Variants in COL8A1 observed in about 807,000 individuals in gnomAD.
The protein encoded by COL8A1 is collagen alpha-1(VIII) chain.
Under a neutral mutation model 42.7 loss-of-function variants are expected in COL8A1, and 21 were observed. The ratio of observed to expected loss-of-function variants is 0.49; its 90% CI spans 0.35 to 0.71. COL8A1 has a LOEUF of 0.71. Ranked by LOEUF, COL8A1 falls within the 30% of genes least tolerant of loss-of-function variation. The pLI is 0.01. For synonymous variants in COL8A1, 367 were observed against 369.1 expected, an observed-to-expected ratio of 0.99 and a Z score of 0.06; for missense variants, 788 against 962.4, an observed-to-expected ratio of 0.82 and a Z score of 2.40.
At chr3:99,754,180 A>G (rs1941209380) in intron 2 of COL8A1, among the ~76,000 whole-genome samples, 1 of 152,216 alleles carries the variant, frequency 6.6e-6, no homozygotes, top group South Asian at 2.1e-4. Flanking sequence ...ATGCAACAAA[A>G]TGAGCACCAA....
rs951664745 is a variant in COL8A1, at chr3:99,794,967, C to A, written c.1066C>A (p.Pro356Thr). The A allele has an allele frequency of 1.9e-6, 3 of 1,600,394 alleles. No homozygotes were observed. The Admixed American group carries it at 5.2e-5, about 28-fold the overall frequency. Residue 356 changes from proline (P) to threonine (T), a missense_variant, in exon 4 of 4, where the codon CCA becomes ACA. Pro to Thr is a conservative substitution (Grantham distance 38). Transcript: ENST00000652472. This position sits in a 1 kb window ranked among gnomAD's most constrained non-coding sequence, Gnocchi z 4.3. The stretch of plus-strand genomic sequence containing the variant: ...TCCAGGGATTGGGAAACCAGGCTTC[C>A]CAGGACCCAAAGGTGACCGGGGCAT... ...GLPGIGKPGF[P>T]GPKGDRGMGG... is the part of the protein sequence containing the mutation.
At chr3:99,642,975 T>TA (rs1015052285) in intron 1 of COL8A1, among the ~76,000 whole-genome samples, 1 of 152,170 alleles carries the variant, frequency 6.6e-6, no homozygotes. Flanking sequence ...TCTTGGAAAT[T>TA]AAAAAAACTT....
chr3:99,775,486 A>C (rs1172055153), intron 2 of COL8A1, among the ~76,000 whole-genome samples: 8 of 152,114 alleles, frequency 5.3e-5, no homozygotes, highest in Non-Finnish European at 8.8e-5. Context: ...GCTTTGGTGG[A>C]GGTCAGTTCC....
At position 99,794,297 on chromosome 3, in the gene COL8A1, T is replaced by G; in HGVS notation, c.396T>G (p.Pro132=). The G allele has an allele frequency of 6.2e-7, 1 of 1,613,332 alleles. No individual in the cohort carries two copies. The highest frequency in any genetic ancestry group is 8.5e-7 in the Non-Finnish European group (1 of 1,179,678). ...PRGEPGPRGP[P]GPPGLPGHGI... ...GAGAGCCTGGCCCAAGAGGACCACCTGGGCCCCCTGGTTTGCCAGGTCATG... is the reference window on the plus strand; with the variant it reads ...GAGAGCCTGGCCCAAGAGGACCACCGGGGCCCCCTGGTTTGCCAGGTCATG... The change falls in exon 4 of 4, where the codon CCT becomes CCG. Residue 132 remains proline (P), a synonymous_variant. Transcript: ENST00000652472. The surrounding 1 kb of genome is among the most constrained non-coding windows in gnomAD (Gnocchi z 4.3).
intron 1 of COL8A1, among the ~76,000 whole-genome samples, chr3:99,654,836 G>A (rs189012031): frequency 1.1e-3 from 160 of 151,910 alleles, no homozygotes; most frequent in African/African-American, 3.7e-3. Context: ...AAGCTATAGT[G>A]GAAGATATTT....
chr3:99,724,938 T>C (rs898480889), intron 1 of COL8A1, among the ~76,000 whole-genome samples: 3 of 152,102 alleles, frequency 2.0e-5, no homozygotes, highest in Non-Finnish European at 2.9e-5. Flanking sequence ...GTGTGTGTAA[T>C]AGTCAATTTA....
At chr3:99,662,105 A>T (rs116071247) in intron 1 of COL8A1, among the ~76,000 whole-genome samples, 5,211 of 152,288 alleles carry the variant, frequency 0.034, 142 homozygotes, top group East Asian at 0.063. Flanking sequence ...TGGGCCGAGC[A>T]CGGTGGCACG....
At chr3:99,688,001 G>T (rs561760186) in intron 1 of COL8A1, among the ~76,000 whole-genome samples, 2 of 152,088 alleles carry the variant, frequency 1.3e-5, no homozygotes, top group Admixed American at 1.3e-4. Flanking sequence ...CACTTCACCC[G>T]TATGATCATC....
chr3:99,795,110 T>C lies in COL8A1; in HGVS notation c.1209T>C (p.Pro403=), dbSNP rs1282248581. ...GLPGIPGPMG[P]PGAIGFPGPK... ...CTGGAATCCCAGGTCCTATGGGCCC[T>C]CCAGGTGCTATTGGTTTTCCTGGAC... The change falls in exon 4 of 4, where the codon CCT becomes CCC. Residue 403 remains proline, a synonymous_variant. Coordinates refer to ENST00000652472, the MANE Select transcript of COL8A1 (RefSeq NM_020351.4). The C allele has an allele frequency of 6.2e-7, 1 of 1,613,320 alleles. No individual in the cohort carries two copies. The highest frequency in any genetic ancestry group is 8.5e-7 in the Non-Finnish European group (1 of 1,179,738).
At chr3:99,662,867 A>C (rs984953096) in intron 1 of COL8A1, among the ~76,000 whole-genome samples, 1 of 152,058 alleles carries the variant, frequency 6.6e-6, no homozygotes, top group Non-Finnish European at 1.5e-5. Flanking sequence ...TCTGTCCCCA[A>C]ATTTCCCCTT....
At chr3:99,677,351 G>T (rs1938731003) in intron 1 of COL8A1, among the ~76,000 whole-genome samples, 7 of 151,960 alleles carry the variant, frequency 4.6e-5, no homozygotes. Context: ...TTAGCTTCTA[G>T]ATTTCTCAAA....
At chr3:99,750,059 T>C (rs1171236331) in intron 2 of COL8A1, among the ~76,000 whole-genome samples, 1 of 136,324 alleles carries the variant, frequency 7.3e-6, no homozygotes, top group Non-Finnish European at 1.6e-5. Context: ...CTTTTTTTTT[T>C]TTTTTTTTTT....
At chr3:99,661,684 G>A (rs966097838) in intron 1 of COL8A1, among the ~76,000 whole-genome samples, 2 of 152,168 alleles carry the variant, frequency 1.3e-5, no homozygotes, top group African/African-American at 2.4e-5. Context: ...GTTCATGGCA[G>A]GATTATTCAC....
chr3:99,770,680 A>G lies in COL8A1; in HGVS notation c.-3-20000A>G, dbSNP rs548233435. Among the ~76,000 whole-genome samples, 8 of 152,308 alleles carry G rather than the reference A, an allele frequency of 5.3e-5. 1 individual carries two copies. The South Asian group carries it at 1.7e-3, about 32-fold the overall frequency. On this transcript the variant is annotated intron_variant, in intron 2 of 3. Coordinates refer to ENST00000652472, the MANE Select transcript of COL8A1 (RefSeq NM_020351.4). Reference sequence around the variant, plus strand: ...CAAGACACAGAATCATACTCAAAGGACAGTGATTAACATCCATGGTGTCAT... The same window carrying G: ...CAAGACACAGAATCATACTCAAAGGGCAGTGATTAACATCCATGGTGTCAT...
At chr3:99,655,432 G>A (rs1012670100) in intron 1 of COL8A1, among the ~76,000 whole-genome samples, 1 of 152,128 alleles carries the variant, frequency 6.6e-6, no homozygotes, top group African/African-American at 2.4e-5. Context: ...TGCCATCAAG[G>A]TACTATACAA....
intron 1 of COL8A1, among the ~76,000 whole-genome samples, chr3:99,694,921 C>A (rs1427995906): frequency 6.6e-6 from 1 of 152,126 alleles, no homozygotes; most frequent in African/African-American, 2.4e-5. Context: ...GTAAAAGCTG[C>A]AGTAAACTCT....
At chr3:99,652,587 C>A (rs1328176292) in intron 1 of COL8A1, among the ~76,000 whole-genome samples, 2 of 152,124 alleles carry the variant, frequency 1.3e-5, no homozygotes, top group Non-Finnish European at 2.9e-5. Flanking sequence ...TTTGGAGCAT[C>A]CTGGTAGCAG....
rs191484522 is a variant in COL8A1, at chr3:99,754,026, C to T, written c.-4+9005C>T. ...AACATAGTTGCTGAAACAATTAGTA[C>T]TTGTAAACTGTTGTCAGTTACAGAT... On this transcript the variant is annotated intron_variant, in intron 2 of 3. Coordinates refer to ENST00000652472, the MANE Select transcript of COL8A1 (RefSeq NM_020351.4). 2.6e-5 allele frequency among the ~76,000 whole-genome samples: 4 copies of T among 152,312 alleles called. No individual in the cohort carries two copies. The East Asian group carries it at 7.7e-4, about 29-fold the overall frequency.
chr3:99,773,931 G>A (rs940056865), intron 2 of COL8A1, among the ~76,000 whole-genome samples: 1 of 133,974 alleles, frequency 7.5e-6, no homozygotes. Flanking sequence ...TGCAACCTCC[G>A]CCTACCAAGT....
Sources: gnomAD v4.1 joint callset for allele counts (sites outside exome capture counted in the v4.1 genomes callset) on GRCh38, gnomAD v4.1.1 for gene constraint, Gnocchi (gnomAD v3.1) non-coding constraint, MANE v1.5 for transcripts, NCBI Gene and HGNC (gene_info 2026-07-23, HGNC 2026-07-21) for gene names.